Variants in VWA8 observed in about 807,000 individuals in gnomAD.
VWA8 encodes von Willebrand factor A domain-containing protein 8.
VWA8 carries 221 observed loss-of-function variants against 241.5 expected under a neutral mutation model. The ratio of observed to expected loss-of-function variants is 0.91; its 90% CI spans 0.82 to 1.02. The LOEUF (loss-of-function observed/expected upper bound fraction) is 1.02, where lower values mean the gene tolerates loss of function less well. Ranked by LOEUF, VWA8 falls within the 50% of genes least tolerant of loss-of-function variation. The probability of loss-of-function intolerance (pLI) is 0.00; values close to 1 mark genes in which losing one functional copy is unlikely to be tolerated. For missense variants in VWA8, 2,322 were observed against 2,328.7 expected, an observed-to-expected ratio of 1.00 and a Z score of 0.06; for synonymous variants, 852 against 827.1, an observed-to-expected ratio of 1.03 and a Z score of -0.52.
chr13:41,877,747 G>A (rs932257084), intron 9 of VWA8, among the ~76,000 whole-genome samples: 1 of 152,032 alleles, frequency 6.6e-6, no homozygotes, highest in African/African-American at 2.4e-5. Flanking sequence ...GCCAAGACAC[G>A]TTACTAGAAG....
intron 21 of VWA8, among the ~76,000 whole-genome samples, chr13:41,754,047 A>T (rs1442700203): frequency 6.6e-6 from 1 of 152,132 alleles, no homozygotes; most frequent in Non-Finnish European, 1.5e-5. Flanking sequence ...ATAAATAAAA[A>T]ATTCCCCACA....
intron 38 of VWA8, among the ~76,000 whole-genome samples, 166 bp downstream of exon 38, chr13:41,614,800 TCTTCACATGC>T (rs2044610700): frequency 1.3e-5 from 2 of 152,158 alleles, no homozygotes; most frequent in African/African-American, 4.8e-5. Flanking sequence ...AATGCCAGGC[TCTTCACATGC>T]CTTGATGTCA....
chr13:41,716,195 T>C (rs899348744), intron 26 of VWA8, among the ~76,000 whole-genome samples: 5 of 151,994 alleles, frequency 3.3e-5, no homozygotes, highest in African/African-American at 1.2e-4. Flanking sequence ...TATTTGCAGA[T>C]AAGGAAGAAG....
chr13:41,758,224 G>A (rs1315700522), intron 21 of VWA8, among the ~76,000 whole-genome samples: 1 of 150,424 alleles, frequency 6.6e-6, no homozygotes, highest in Non-Finnish European at 1.5e-5. Flanking sequence ...AGAAATAATG[G>A]TGTCTATTGA....
chr13:41,783,190 T>C (rs1181242635), intron 19 of VWA8, among the ~76,000 whole-genome samples: 1 of 148,506 alleles, frequency 6.7e-6, no homozygotes, highest in African/African-American at 2.4e-5. Context: ...ATATATTTTA[T>C]ATATATGTAC....
chr13:41,738,316 G>A (rs1466597351), intron 21 of VWA8, among the ~76,000 whole-genome samples: 1 of 152,024 alleles, frequency 6.6e-6, no homozygotes, highest in Non-Finnish European at 1.5e-5. Context: ...AAACATTAGG[G>A]GGATAATATT....
chr13:41,883,587 AAGTAACCAAT>A (rs1874370361), intron 8 of VWA8, 96 bp from the exon 9 acceptor site: 1 of 881,492 alleles, frequency 1.1e-6, no homozygotes, highest in African/African-American at 1.7e-5. Flanking sequence ...TGACTTATAA[AAGTAACCAAT>A]AGGTGTCTGG....
intron 19 of VWA8, among the ~76,000 whole-genome samples, chr13:41,781,460 C>G (rs894005231): frequency 3.9e-5 from 6 of 152,238 alleles, no homozygotes; most frequent in African/African-American, 1.4e-4. Context: ...GTAAACTGCA[C>G]ATACTTCCAC....
intron 21 of VWA8, among the ~76,000 whole-genome samples, chr13:41,745,622 G>A (rs1035512370): frequency 2.0e-5 from 3 of 152,160 alleles, no homozygotes; most frequent in African/African-American, 7.2e-5. Context: ...TATCATCACT[G>A]ATCATCAGAG....
At chr13:41,705,633 G>T (rs2045278391) in intron 26 of VWA8, among the ~76,000 whole-genome samples, 1 of 152,076 alleles carries the variant, frequency 6.6e-6, no homozygotes, top group South Asian at 2.1e-4. Context: ...CTCGGGAAGG[G>T]GAAAGTCCAT....
intron 26 of VWA8, among the ~76,000 whole-genome samples, chr13:41,706,872 A>G (rs2045285999): frequency 6.6e-6 from 1 of 152,220 alleles, no homozygotes; most frequent in Non-Finnish European, 1.5e-5. Context: ...CTAGCTGGAA[A>G]GATGTGTGGA....
rs1026604125 is a variant in VWA8 at position 41,692,729 on chromosome 13, C to G, written c.3675+133G>C. 3.0e-5 allele frequency: 18 copies of G among 591,460 alleles called. No homozygotes were observed. The African/African-American group carries it at 3.2e-4, about 11-fold the overall frequency. The allele number at this position is 591,460 out of a possible 1,614,324, so 36.6% of individuals were successfully genotyped here. On this transcript the variant is annotated intron_variant, in intron 30 of 44. Transcript: ENST00000379310. ...TATATATATCATGTTAAAATCTATA[C>G]GTGCATAACAGGAAATTCTCTTGTG...
chr13:41,797,883 T>C (rs1869776318), intron 17 of VWA8, among the ~76,000 whole-genome samples: 1 of 152,214 alleles, frequency 6.6e-6, no homozygotes, highest in South Asian at 2.1e-4. Flanking sequence ...ATCTGGAAAG[T>C]TTAATCTTGT....
intron 9 of VWA8, among the ~76,000 whole-genome samples, chr13:41,880,898 C>G (rs1170779373): frequency 6.6e-6 from 1 of 152,212 alleles, no homozygotes; most frequent in African/African-American, 2.4e-5. Context: ...CCCTGTGTCT[C>G]ATAGAGGCTC....
chr13:41,881,385 G>C (rs1263557756), intron 9 of VWA8, among the ~76,000 whole-genome samples: 2 of 47,840 alleles, frequency 4.2e-5, no homozygotes, highest in Non-Finnish European at 4.4e-5. Flanking sequence ...GGGGGGGGGG[G>C]GGGGGGTAAG....
chr13:41,735,147 T>C (rs1352966732), intron 21 of VWA8, among the ~76,000 whole-genome samples: 1 of 152,140 alleles, frequency 6.6e-6, no homozygotes, highest in Non-Finnish European at 1.5e-5. Flanking sequence ...TTCACACAGA[T>C]TGTTATAGTA....
chr13:41,751,273 G>A (rs527677809), intron 21 of VWA8, among the ~76,000 whole-genome samples: 2 of 152,144 alleles, frequency 1.3e-5, no homozygotes, highest in East Asian at 1.9e-4. Flanking sequence ...AAAAGGGGGG[G>A]CAGTAGAAGG....
At chr13:41,870,649 A>G (rs988970078) in intron 9 of VWA8, among the ~76,000 whole-genome samples, 4 of 151,772 alleles carry the variant, frequency 2.6e-5, no homozygotes, top group African/African-American at 9.7e-5. Flanking sequence ...AAAAAAAAAA[A>G]AAAGAAAAAA....
intron 12 of VWA8, among the ~76,000 whole-genome samples, chr13:41,838,513 G>T (rs1265326844): frequency 6.6e-6 from 1 of 152,048 alleles, no homozygotes; most frequent in Non-Finnish European, 1.5e-5. Flanking sequence ...CTTCAACCAG[G>T]TTTAAAAAAT....
Sources: gnomAD v4.1 joint callset for allele counts (sites outside exome capture counted in the v4.1 genomes callset) on GRCh38, gnomAD v4.1.1 for gene constraint, MANE v1.5 for transcripts, NCBI Gene and HGNC (gene_info 2026-07-23, HGNC 2026-07-21) for gene names.